The following CACNB2 variants were observed in gnomAD, a reference collection of about 807,000 sequenced individuals.
CACNB2 encodes the protein voltage-dependent L-type calcium channel subunit beta-2.
Under a neutral mutation model 73.3 loss-of-function variants are expected in CACNB2, and 42 were observed. That is an observed-to-expected ratio of 0.57 (90% CI 0.45 to 0.74). CACNB2 has a LOEUF of 0.74. Ranked by LOEUF, CACNB2 falls within the 30% of genes least tolerant of loss-of-function variation. The probability of loss-of-function intolerance (pLI) is 0.00; values close to 1 mark genes in which losing one functional copy is unlikely to be tolerated. For missense variants in CACNB2, 940 were observed against 853.0 expected, an observed-to-expected ratio of 1.10 and a Z score of -1.27; for synonymous variants, 348 against 310.3, an observed-to-expected ratio of 1.12 and a Z score of -1.28.
At chr10:18,508,076 T>C (rs557820911) in intron 6 of CACNB2, among the ~76,000 whole-genome samples, 16 of 152,232 alleles carry the variant, frequency 1.1e-4, no homozygotes, top group South Asian at 4.1e-4. Flanking sequence ...TGCCCAGCCA[T>C]TGGCAAACTA....
intron 2 of CACNB2, among the ~76,000 whole-genome samples, chr10:18,312,855 C>T (rs2040012850): frequency 6.6e-6 from 1 of 152,152 alleles, no homozygotes; most frequent in Non-Finnish European, 1.5e-5. Context: ...GTGCGTTCTC[C>T]TGACATTGAC....
chr10:18,454,826 G>A (rs969460388), intron 3 of CACNB2, among the ~76,000 whole-genome samples: 4 of 152,146 alleles, frequency 2.6e-5, no homozygotes, highest in African/African-American at 4.8e-5. Context: ...ATTGCTTGAG[G>A]CCAGGAGTTC....
At chr10:18,431,777 T>G (rs985683712) in intron 3 of CACNB2, among the ~76,000 whole-genome samples, 1 of 152,082 alleles carries the variant, frequency 6.6e-6, no homozygotes, top group African/African-American at 2.4e-5. Flanking sequence ...TTTTTCTTTT[T>G]TTTTTGAGAT....
intron 2 of CACNB2, chr10:18,260,918 C>A (rs922073855): frequency 3.5e-6 from 4 of 1,154,184 alleles, no homozygotes; most frequent in African/African-American, 1.6e-5. Context: ...AAAGCGTCAC[C>A]AAGAAACTCT....
chr10:18,513,534 C>A, intron 6 of CACNB2: 1 of 398,538 alleles, frequency 2.5e-6, no homozygotes, highest in South Asian at 1.9e-5. Flanking sequence ...ACTGTACGTT[C>A]ATTAGCAGTT....
At chr10:18,150,442 T>C (rs1412658164) in intron 1 of CACNB2, among the ~76,000 whole-genome samples, 3 of 152,180 alleles carry the variant, frequency 2.0e-5, no homozygotes, top group Admixed American at 2.0e-4. Flanking sequence ...GGCGGGCGGA[T>C]CACCTGAGGT....
intron 3 of CACNB2, among the ~76,000 whole-genome samples, chr10:18,423,539 T>A (rs1345329365): frequency 6.6e-6 from 1 of 152,164 alleles, no homozygotes; most frequent in African/African-American, 2.4e-5. Flanking sequence ...TACATAAAGA[T>A]GAAATTATAA....
At chr10:18,481,191 G>GATATAT (rs1564598989) in intron 3 of CACNB2, among the ~76,000 whole-genome samples, 21 of 40,522 alleles carry the variant, frequency 5.2e-4, no homozygotes, top group Middle Eastern at 0.024. Context: ...TTACATCTTC[G>GATATAT]CTATATATAT....
intron 2 of CACNB2, among the ~76,000 whole-genome samples, chr10:18,176,870 T>C (rs942814623): frequency 1.1e-4 from 16 of 151,516 alleles, no homozygotes; most frequent in African/African-American, 3.6e-4. Context: ...CAGGGGACAT[T>C]GAGAAGGTAT....
chr10:18,421,463 A>G (rs932692232), intron 3 of CACNB2, among the ~76,000 whole-genome samples: 9 of 151,784 alleles, frequency 5.9e-5, no homozygotes, highest in African/African-American at 2.2e-4. Context: ...ACACCCGGCT[A>G]ATTTTTTGTA....
At chr10:18,328,382 G>T (rs2040667639) in intron 2 of CACNB2, among the ~76,000 whole-genome samples, 1 of 152,160 alleles carries the variant, frequency 6.6e-6, no homozygotes, top group Admixed American at 6.5e-5. Context: ...TTGCAGCAAG[G>T]CTGAGAAAGA....
intron 2 of CACNB2, among the ~76,000 whole-genome samples, chr10:18,284,971 A>G (rs992614840): frequency 2.0e-5 from 3 of 152,196 alleles, no homozygotes; most frequent in South Asian, 4.1e-4. Flanking sequence ...ATTCAATGGG[A>G]AAGGAATTCA....
rs138661579 is a variant in CACNB2 at position 18,489,588 on chromosome 10, T to C, written c.334-8767T>C. ...ACAGTGAATGGCTGGGAGAACTTTT[T>C]TGAGCCTCAGTTTCTTCACCTTGGA... On this transcript the variant is annotated intron_variant, in intron 3 of 13. Transcript: ENST00000324631. Among the ~76,000 whole-genome samples, 143 of 152,192 alleles carry C rather than the reference T, an allele frequency of 9.4e-4. 1 individual carries two copies. The highest frequency in any genetic ancestry group is 3.1e-3 in the African/African-American group (127 of 41,538).
chr10:18,158,538 A>G (rs960003564), intron 2 of CACNB2, among the ~76,000 whole-genome samples: 3 of 152,228 alleles, frequency 2.0e-5, no homozygotes, highest in Admixed American at 6.5e-5. Flanking sequence ...TACATGAATG[A>G]AAAAATTTCA....
At chr10:18,390,044 T>C (rs2043396863) in intron 2 of CACNB2, among the ~76,000 whole-genome samples, 2 of 152,222 alleles carry the variant, frequency 1.3e-5, no homozygotes, top group East Asian at 1.9e-4. Context: ...TTTTCACAAG[T>C]GTGTAGTTCC....
chr10:18,289,774 C>G (rs1430209280), intron 2 of CACNB2, among the ~76,000 whole-genome samples: 1 of 151,886 alleles, frequency 6.6e-6, no homozygotes, highest in Non-Finnish European at 1.5e-5. Context: ...GCTGTGTGGC[C>G]CCCTTTAGTT....
intron 6 of CACNB2, among the ~76,000 whole-genome samples, chr10:18,509,392 G>A (rs2050649633): frequency 1.3e-5 from 2 of 152,190 alleles, no homozygotes; most frequent in African/African-American, 4.8e-5. Flanking sequence ...CTGGGCATTG[G>A]TGTCATAGCC....
intron 2 of CACNB2, among the ~76,000 whole-genome samples, chr10:18,159,636 T>C (rs529145168): frequency 3.9e-5 from 6 of 152,306 alleles, no homozygotes; most frequent in African/African-American, 1.2e-4. Flanking sequence ...TTTTGGATCT[T>C]TTATATTAGT....
chr10:18,200,522 TA>T (rs1213408188), intron 2 of CACNB2, among the ~76,000 whole-genome samples: 1 of 151,834 alleles, frequency 6.6e-6, no homozygotes, highest in African/African-American at 2.4e-5. Flanking sequence ...GTAAATATTT[TA>T]AAATAATAAA....
Sources: allele counts gnomAD v4.1 joint callset (sites outside exome capture counted in the v4.1 genomes callset), GRCh38; gene constraint gnomAD v4.1.1; transcripts MANE v1.5; gene names NCBI Gene and HGNC (gene_info 2026-07-23, HGNC 2026-07-21).